The following ANXA13 variants were observed in gnomAD, a reference collection of about 807,000 sequenced individuals.
ANXA13 encodes the protein annexin A13, also known as annexin XIII.
In ANXA13, 36 loss-of-function variants were observed where a neutral mutation model predicts 46.6. That is an observed-to-expected ratio of 0.77 (90% CI 0.59 to 1.02). The LOEUF (loss-of-function observed/expected upper bound fraction) is 1.02. ANXA13 is among the 50% of genes least tolerant of loss of function. The probability of loss-of-function intolerance (pLI) is 0.00; values close to 1 mark genes in which losing one functional copy is unlikely to be tolerated. For synonymous variants in ANXA13, 163 were observed against 152.9 expected (o/e 1.07, Z -0.49); for missense variants, 417 against 396.5 (o/e 1.05, Z -0.44).
At position 123,706,771 on chromosome 8, in the gene ANXA13, G is replaced by T. The variant is rs138421720; in HGVS notation, c.92-4035C>A. Among the ~76,000 whole-genome samples the T allele has an allele frequency of 9.7e-3, 1,470 of 152,262 alleles. 16 individuals carry two copies. The highest frequency in any genetic ancestry group is 0.014 in the Non-Finnish European group (954 of 68,022). On this transcript the variant is annotated intron_variant, in intron 2 of 10. Transcript: ENST00000419625. ...AGAATGAGGCTTCAACTCTGCAGGG[G>T]GGCCTATGGGGCCTTTTGGCCTCTC...
In ANXA13 at chr8:123,708,420, C is replaced by G. The variant is rs1276939399; in HGVS notation, c.91+4258G>C. Reference sequence around the variant, plus strand: ...ACAGTGATCGGGGCTGTGGTGGAGGCTCAGCTTTCCCTTGGGCTCCAATGC... The same window carrying G: ...ACAGTGATCGGGGCTGTGGTGGAGGGTCAGCTTTCCCTTGGGCTCCAATGC... On this transcript the variant is annotated intron_variant, in intron 2 of 10. Coordinates refer to ENST00000419625, the MANE Select transcript of ANXA13 (RefSeq NM_004306.4). 3.3e-5 allele frequency among the ~76,000 whole-genome samples: 5 copies of G among 152,218 alleles called. No homozygotes were observed. In the East Asian group the frequency reaches 9.6e-4, roughly 29 times the overall value.
chr8:123,713,299 G>A (rs2129900549), intron 1 of ANXA13, among the ~76,000 whole-genome samples: 1 of 152,270 alleles, frequency 6.6e-6, no homozygotes. Flanking sequence ...TCCTTGGGAA[G>A]GTAAAGTCCT....
intron 1 of ANXA13, among the ~76,000 whole-genome samples, chr8:123,732,660 A>G (rs1476058453): frequency 6.7e-6 from 1 of 150,348 alleles, no homozygotes; most frequent in African/African-American, 2.5e-5. Flanking sequence ...ACCTCCTTAC[A>G]ATGGCTGGTT....
intron 2 of ANXA13, among the ~76,000 whole-genome samples, chr8:123,704,703 T>C (rs1036058497): frequency 2.0e-5 from 3 of 152,170 alleles, no homozygotes; most frequent in South Asian, 2.1e-4. Context: ...GGCCTGCGGT[T>C]GACAATTCTT....
In ANXA13 at chr8:123,702,687, A is replaced by G. The variant is rs1051385235; in HGVS notation, c.141T>C (p.Asp47=). 6.8e-6 allele frequency: 11 copies of G among 1,614,106 alleles called. No individual in the cohort carries two copies. The highest frequency in any genetic ancestry group is 9.3e-6 in the Non-Finnish European group (11 of 1,180,026). Residue 47 remains aspartate, a synonymous_variant, in exon 3 of 11, where the codon GAT becomes GAC. Coordinates refer to ENST00000419625, the MANE Select transcript of ANXA13 (RefSeq NM_004306.4). ...IIEILSGRTS[D]ERQQIKQKYK... is the part of the protein sequence containing the mutation. ...ACTTTTGCTTGATTTGTTGCCTCTC[A>G]TCTGATGTCCTGCCCGATAAGATTT...
intron 8 of ANXA13, among the ~76,000 whole-genome samples, chr8:123,689,989 T>C (rs892109338): frequency 1.3e-5 from 2 of 152,220 alleles, no homozygotes. Flanking sequence ...AATGAAGCCC[T>C]GTTGCTTGAT....
At chr8:123,696,566 C>A (rs968278817) in intron 4 of ANXA13, among the ~76,000 whole-genome samples, 6 of 151,302 alleles carry the variant, frequency 4.0e-5, no homozygotes, top group East Asian at 1.9e-4. Context: ...CCACCCCCCC[C>A]ACCACCAAGC....
intron 1 of ANXA13, among the ~76,000 whole-genome samples, chr8:123,733,428 C>T (rs1181252772): frequency 2.6e-5 from 4 of 152,140 alleles, no homozygotes; most frequent in Non-Finnish European, 5.9e-5. Context: ...GATCTATTTC[C>T]CCACTTGTCA....
chr8:123,694,476 T>C (rs892171773), intron 6 of ANXA13, among the ~76,000 whole-genome samples: 2 of 152,186 alleles, frequency 1.3e-5, no homozygotes, highest in Non-Finnish European at 2.9e-5. Context: ...AACAGCCATG[T>C]GGTGCACTGC....
At chr8:123,701,068 C>T (rs1025455652) in intron 3 of ANXA13, among the ~76,000 whole-genome samples, 2 of 152,266 alleles carry the variant, frequency 1.3e-5, no homozygotes, top group Non-Finnish European at 2.9e-5. Context: ...CCTTGGCCTC[C>T]CAAAGTGTTG....
chr8:123,730,314 T>C (rs1160373116), intron 1 of ANXA13, among the ~76,000 whole-genome samples: 2 of 152,158 alleles, frequency 1.3e-5, no homozygotes, highest in East Asian at 3.9e-4. Flanking sequence ...CAAAGTGTAG[T>C]TCCTAGACCA....
At chr8:123,701,771 T>C (rs1813451780) in intron 3 of ANXA13, among the ~76,000 whole-genome samples, 1 of 151,826 alleles carries the variant, frequency 6.6e-6, no homozygotes, top group African/African-American at 2.4e-5. Context: ...TTTTTAGGTG[T>C]GTGATTTTGT....
chr8:123,684,494 G>A (rs903637159), intron 10 of ANXA13, 116 bp downstream of exon 10: 36 of 679,792 alleles, frequency 5.3e-5, no homozygotes, highest in Middle Eastern at 3.1e-4. Flanking sequence ...GCAAGGGGCC[G>A]TCTCTGTTTT....
rs188904540 is a variant in ANXA13 at position 123,717,530 on chromosome 8, A to G, written c.16-4777T>C. On this transcript the variant is annotated intron_variant, in intron 1 of 10. Transcript: ENST00000419625. Reference sequence around the variant, plus strand: ...ACATATGTTGATCCCAGATGGATAGATATCTTCCATACTTGTCAAATATTT... The same window carrying G: ...ACATATGTTGATCCCAGATGGATAGGTATCTTCCATACTTGTCAAATATTT... Among the ~76,000 whole-genome samples the G allele has an allele frequency of 3.3e-4, 51 of 152,356 alleles. No homozygotes were observed. The Middle Eastern group carries it at 0.014, about 41-fold the overall frequency.
intron 1 of ANXA13, among the ~76,000 whole-genome samples, chr8:123,736,724 C>G (rs995765699): frequency 1.3e-5 from 2 of 152,110 alleles, no homozygotes; most frequent in Non-Finnish European, 2.9e-5. Context: ...ATACATTCTA[C>G]AGATACATAT....
At chr8:123,682,275 T>C (rs995203698) in intron 10 of ANXA13, among the ~76,000 whole-genome samples, 12 of 152,206 alleles carry the variant, frequency 7.9e-5, no homozygotes, top group African/African-American at 2.7e-4. Flanking sequence ...GAAGTGATGA[T>C]AGGACTCAGG....
In ANXA13 at chr8:123,695,732, T is replaced by C. The variant is rs761753860; in HGVS notation, c.358-11A>G. On this transcript the variant is annotated splice_polypyrimidine_tract_variant and intron_variant, in intron 4 of 10. Coordinates refer to ENST00000419625, the MANE Select transcript of ANXA13 (RefSeq NM_004306.4). Reference sequence around the variant, plus strand: ...AATGGCGATGATTTCCTAGGGAAGGTAATTTACAAAAAAATCAATATTCCA... The same window carrying C: ...AATGGCGATGATTTCCTAGGGAAGGCAATTTACAAAAAAATCAATATTCCA... 1.9e-6 allele frequency: 3 copies of C among 1,610,014 alleles called. No homozygotes were observed. The African/African-American group carries it at 4.0e-5, about 22-fold the overall frequency.
intron 2 of ANXA13, among the ~76,000 whole-genome samples, chr8:123,707,892 A>T (rs1813570519): frequency 6.6e-6 from 1 of 152,152 alleles, no homozygotes; most frequent in African/African-American, 2.4e-5. Flanking sequence ...TTAAAGCTAA[A>T]AAAGAAAAAA....
chr8:123,708,816 C>G (rs1326467362), intron 2 of ANXA13, among the ~76,000 whole-genome samples: 1 of 152,164 alleles, frequency 6.6e-6, no homozygotes, highest in Non-Finnish European at 1.5e-5. Flanking sequence ...CCTTGCCCCT[C>G]CTGGCTTCTG....
Sources: gnomAD v4.1 joint callset for allele counts (sites outside exome capture counted in the v4.1 genomes callset) on GRCh38, gnomAD v4.1.1 for gene constraint, MANE v1.5 for transcripts, NCBI Gene and HGNC (gene_info 2026-07-23, HGNC 2026-07-21) for gene names.